The following NEMF variants were observed in gnomAD, a reference collection of about 807,000 sequenced individuals.
NEMF encodes nuclear export mediator factor.
A neutral mutation model predicts 162.2 loss-of-function variants in NEMF; 89 were observed. The ratio of observed to expected loss-of-function variants is 0.55; its 90% CI spans 0.46 to 0.65. The LOEUF (loss-of-function observed/expected upper bound fraction) is 0.65, where lower values mean the gene tolerates loss of function less well. NEMF is among the 30% of genes least tolerant of loss of function. The pLI, the probability that NEMF is intolerant of heterozygous loss-of-function variation, is 0.00. For missense variants in NEMF, 1,133 were observed against 1,261.9 expected, an observed-to-expected ratio of 0.90 and a Z score of 1.55; for synonymous variants, 421 against 404.5, an observed-to-expected ratio of 1.04 and a Z score of -0.49.
intron 5 of NEMF, chr14:49,839,481 T>C (rs1467395257): frequency 1.3e-5 from 2 of 152,266 alleles, no homozygotes; most frequent in Non-Finnish European, 2.9e-5. Flanking sequence ...ACCACTGCTA[T>C]AGAATATGAG....
intron 18 of NEMF, among the ~76,000 whole-genome samples, chr14:49,811,877 C>T (rs1282411978): frequency 2.0e-5 from 3 of 152,000 alleles, no homozygotes; most frequent in Non-Finnish European, 1.5e-5. Context: ...TATTTATAAC[C>T]GGTATTGGTC....
intron 25 of NEMF, among the ~76,000 whole-genome samples, chr14:49,796,525 A>G (rs1890699335): frequency 6.6e-6 from 1 of 151,398 alleles, no homozygotes; most frequent in Non-Finnish European, 1.5e-5. Context: ...TTAACTTTGT[A>G]TTTTTAGTAG....
At chr14:49,827,685 C>T (rs1464074273) in intron 15 of NEMF, among the ~76,000 whole-genome samples, 9 of 151,972 alleles carry the variant, frequency 5.9e-5, no homozygotes, top group African/African-American at 9.7e-5. Flanking sequence ...TGGTGGCGGG[C>T]GCCTGTAATC....
chr14:49,846,167 G>A lies in NEMF; in HGVS notation c.330C>T (p.Tyr110=), dbSNP rs2140025828. Residue 110 remains tyrosine (Y), a synonymous_variant, in exon 4 of 33, where the codon TAC becomes TAT. Transcript: ENST00000298310. The part of the protein sequence containing the change: ...DFQFGSDEAA[Y]HLIIELYDRG... The stretch of plus-strand genomic sequence containing the variant: ...TATCATAGAGCTCAATGATTAAATG[G>A]TAAGCAGCTTCATCACTTCCAAATT... 2 of 1,613,614 alleles carry A rather than the reference G, an allele frequency of 1.2e-6. No homozygotes were observed. The highest frequency in any genetic ancestry group is 1.7e-6 in the Non-Finnish European group (2 of 1,179,696).
rs1305759804 is a variant in NEMF at position 49,833,552 on chromosome 14, G to A, written c.662-56C>T. 8.6e-6 allele frequency: 10 copies of A among 1,161,360 alleles called. No homozygotes were observed. In the South Asian group the frequency reaches 1.2e-4, roughly 14 times the overall value. The allele number at this position is 1,161,360 out of a possible 1,614,324, so 71.9% of individuals were successfully genotyped here. A position where few individuals can be genotyped will look rare whatever the true frequency, so the allele number is the denominator to read the frequency against. ...AGTGCCAATCAAGTGTCAATTAACC[G>A]TGGCTAAACAACTATGTAGAAAAAC... is the stretch of plus-strand genomic sequence containing the variant. On this transcript the variant is annotated intron_variant, in intron 7 of 32. Coordinates refer to ENST00000298310, the MANE Select transcript of NEMF (RefSeq NM_004713.6).
intron 3 of NEMF, among the ~76,000 whole-genome samples, chr14:49,850,917 T>C (rs190026997): frequency 2.0e-5 from 3 of 152,092 alleles, no homozygotes; most frequent in African/African-American, 4.8e-5. Context: ...AAAAAATTAA[T>C]GTTGGGCCAG....
intron 15 of NEMF, among the ~76,000 whole-genome samples, chr14:49,827,127 T>G (rs1316306398): frequency 6.6e-6 from 1 of 152,212 alleles, no homozygotes; most frequent in African/African-American, 2.4e-5. Flanking sequence ...AGAAGGGCTC[T>G]GAATTGTATT....
intron 5 of NEMF, among the ~76,000 whole-genome samples, chr14:49,839,984 C>T (rs1238423663): frequency 1.3e-5 from 2 of 152,134 alleles, no homozygotes; most frequent in Non-Finnish European, 2.9e-5. Context: ...CAAAGCAAGA[C>T]CCCATGTCTA....
At chr14:49,813,099 A>G (rs1891554530) in intron 18 of NEMF, among the ~76,000 whole-genome samples, 1 of 152,076 alleles carries the variant, frequency 6.6e-6, no homozygotes, top group Admixed American at 6.6e-5. Flanking sequence ...AGACTATCCT[A>G]TGGTCTACCC....
In NEMF at chr14:49,782,476, C is replaced by T; in HGVS notation, c.*2160G>A. 1 of 1,600,048 alleles carries T rather than the reference C, an allele frequency of 6.2e-7. No individual in the cohort carries two copies. The highest frequency in any genetic ancestry group is 8.6e-7 in the Non-Finnish European group (1 of 1,169,586). On this transcript the variant is annotated 3_prime_UTR_variant, in exon 33 of 33. Coordinates refer to ENST00000298310, the MANE Select transcript of NEMF (RefSeq NM_004713.6). ...CAGAGCTGTAAGTATACTACCTTCA[C>T]ATTATTACTGAAACTTACTTGCAAA...
intron 5 of NEMF, 72 bp from the exon 6 acceptor site, chr14:49,838,278 C>T: frequency 8.4e-7 from 1 of 1,195,560 alleles, no homozygotes; most frequent in Non-Finnish European, 1.2e-6. Context: ...ATTAATACTA[C>T]TTTCATCTGT....
chr14:49,821,483 T>C (rs1399219209), intron 16 of NEMF, among the ~76,000 whole-genome samples: 1 of 5,154 alleles, frequency 1.9e-4, no homozygotes, highest in African/African-American at 2.1e-4. Context: ...CCCCGCCCAG[T>C]CAGCCGCCCC....
chr14:49,840,229 A>C (rs928258397), intron 5 of NEMF, among the ~76,000 whole-genome samples: 1 of 152,236 alleles, frequency 6.6e-6, no homozygotes, highest in Non-Finnish European at 1.5e-5. Context: ...TGGGAGGCCG[A>C]GGCAGGCAGA....
In NEMF at chr14:49,802,692, T is replaced by C. The variant is rs984830194; in HGVS notation, c.1951A>G (p.Met651Val). The change falls in exon 21 of 33, where the codon ATG becomes GTG. Residue 651 changes from methionine to valine, a missense_variant. Met to Val is a conservative substitution (Grantham distance 21). Around this residue, in one of 3 missense-constraint regions of NEMF, gnomAD observed 532 missense variants for 578.6 expected, o/e 0.92. Coordinates refer to ENST00000298310, the MANE Select transcript of NEMF (RefSeq NM_004713.6). ...ACCTTAAAAAGGAAGCTAAACCCCA[T>C]CATTAGATATGAGGGAGGAAGAAAA... ...KNFLPPSYLM[M>V]GFSFLFKVDE... 2.5e-6 allele frequency: 4 copies of C among 1,612,262 alleles called. No homozygotes were observed. Among genetic ancestry groups the C allele is most frequent in the Non-Finnish European group, 2.5e-6 (3 of 1,179,042 alleles).
At chr14:49,823,347 G>A (rs1455623868) in intron 16 of NEMF, among the ~76,000 whole-genome samples, 1 of 151,536 alleles carries the variant, frequency 6.6e-6, no homozygotes, top group Non-Finnish European at 1.5e-5. Context: ...ACTATTCTCA[G>A]AGAGCTAAAA....
At chr14:49,838,654 G>A (rs998160925) in intron 5 of NEMF, among the ~76,000 whole-genome samples, 13 of 146,378 alleles carry the variant, frequency 8.9e-5, no homozygotes, top group Admixed American at 2.8e-4. Context: ...GCACGATCTC[G>A]GCTCGCTACA....
chr14:49,833,379 C>A, intron 8 of NEMF, 44 bp downstream of exon 8: 2 of 1,250,232 alleles, frequency 1.6e-6, no homozygotes, highest in Admixed American at 2.2e-5. Context: ...TTCTGAAAAC[C>A]CAAATAAATC....
At chr14:49,807,777 T>C (rs1446047814) in intron 18 of NEMF, among the ~76,000 whole-genome samples, 1 of 151,504 alleles carries the variant, frequency 6.6e-6, no homozygotes, top group Non-Finnish European at 1.5e-5. Flanking sequence ...TATATATATA[T>C]TTTTTTACTA....
At chr14:49,820,610 G>A (rs3126202) in intron 16 of NEMF, among the ~76,000 whole-genome samples, 142,869 of 151,914 alleles carry the variant, frequency 0.94, 67,807 homozygotes, top group Non-Finnish European at 1. Flanking sequence ...TCTACAAAAA[G>A]TACAAAATCC....
Sources: allele counts gnomAD v4.1 joint callset (sites outside exome capture counted in the v4.1 genomes callset), GRCh38; gene constraint gnomAD v4.1.1; regional missense constraint gnomAD v4.1.1; transcripts MANE v1.5; gene names NCBI Gene and HGNC (gene_info 2026-07-23, HGNC 2026-07-21).